TEKT1: variants seen among roughly 807,000 people sequenced by gnomAD.
TEKT1 encodes the protein tektin 1.
TEKT1 carries 32 observed loss-of-function variants against 34.8 expected under a neutral mutation model. The ratio of observed to expected loss-of-function variants is 0.92; its 90% CI spans 0.69 to 1.23. TEKT1 has a LOEUF of 1.23. Among genes scored for constraint, TEKT1 ranks in the 50% most tolerant of loss-of-function variants. The pLI is 0.00. For synonymous variants in TEKT1, 207 were observed against 199.8 expected (o/e 1.04, Z -0.30); for missense variants, 492 against 518.5 (o/e 0.95, Z 0.50).
At chr17:6,816,095 G>A in intron 3 of TEKT1, 133 bp from the exon 4 acceptor site, 3 of 1,255,276 alleles carry the variant, frequency 2.4e-6, no homozygotes, top group Non-Finnish European at 3.2e-6. Context: ...ATGACACAGT[G>A]GGTGACAGAT....
At chr17:6,810,555 A>G (rs1225362000) in intron 6 of TEKT1, among the ~76,000 whole-genome samples, 1 of 152,210 alleles carries the variant, frequency 6.6e-6, no homozygotes, top group Non-Finnish European at 1.5e-5. Context: ...AAACACAGCC[A>G]TGCTTATTCA....
intron 1 of TEKT1, 22 bp from the exon 2 acceptor site, chr17:6,830,415 T>C (rs777101231): frequency 3.0e-5 from 44 of 1,474,434 alleles, no homozygotes; most frequent in Non-Finnish European, 3.9e-5. Flanking sequence ...CAGACTCTTT[T>C]AGATTAAATG....
At chr17:6,817,218 A>G (rs1000534807) in intron 3 of TEKT1, among the ~76,000 whole-genome samples, 1 of 151,906 alleles carries the variant, frequency 6.6e-6, no homozygotes, top group African/African-American at 2.4e-5. Flanking sequence ...TCTACTAAAA[A>G]CACAAAATTA....
chr17:6,831,413 C>A (rs896585265), intron 1 of TEKT1, among the ~76,000 whole-genome samples: 2 of 152,180 alleles, frequency 1.3e-5, no homozygotes, highest in African/African-American at 2.4e-5. Flanking sequence ...GCCCACCCAG[C>A]CCCCTCAGAC....
At chr17:6,807,060 T>G (rs1292673635) in intron 6 of TEKT1, among the ~76,000 whole-genome samples, 1 of 152,214 alleles carries the variant, frequency 6.6e-6, no homozygotes, top group Non-Finnish European at 1.5e-5. Flanking sequence ...TACTGCAGAG[T>G]GTTTTCCAAC....
chr17:6,824,985 T>C (rs902917122), intron 2 of TEKT1, among the ~76,000 whole-genome samples: 19 of 152,112 alleles, frequency 1.2e-4, no homozygotes, highest in African/African-American at 4.3e-4. Flanking sequence ...AAAATAGTGA[T>C]AAAATTTCTA....
At chr17:6,830,089 C>T in intron 2 of TEKT1, 98 bp downstream of exon 2, 1 of 1,228,638 alleles carries the variant, frequency 8.1e-7, no homozygotes, top group African/African-American at 1.6e-5. Context: ...CTCTAATATT[C>T]AAAAATAATA....
At chr17:6,823,130 C>T (rs75483473) in intron 2 of TEKT1, among the ~76,000 whole-genome samples, 7,062 of 152,222 alleles carry the variant, frequency 0.046, 522 homozygotes, top group African/African-American at 0.16. Context: ...ATTCATTGAA[C>T]CTTTTAACCT....
chr17:6,799,466 G>A lies in TEKT1; in HGVS notation c.*561C>T, dbSNP rs543388110. On this transcript the variant is annotated 3_prime_UTR_variant, in exon 8 of 8. Coordinates refer to ENST00000338694, the MANE Select transcript of TEKT1 (RefSeq NM_053285.2). Reference sequence around the variant, plus strand: ...CTTTACGGAGGTGATCTCATTCAACGCCCCTATAGCCCTGTGAGTGGGGAC... The same window carrying A: ...CTTTACGGAGGTGATCTCATTCAACACCCCTATAGCCCTGTGAGTGGGGAC... 5 of 152,306 alleles carry A rather than the reference G, an allele frequency of 3.3e-5. No homozygotes were observed. Among genetic ancestry groups the A allele is most frequent in the Middle Eastern group, 3.4e-3 (1 of 294 alleles). 9.4% of individuals were successfully genotyped at this position (152,306 alleles called of 1,614,324 possible).
At chr17:6,808,065 G>T (rs1976870624) in intron 6 of TEKT1, among the ~76,000 whole-genome samples, 1 of 152,226 alleles carries the variant, frequency 6.6e-6, no homozygotes, top group African/African-American at 2.4e-5. Context: ...TCCCCCAGAG[G>T]TGGAGTCTAC....
chr17:6,816,803 C>A (rs1977013843), intron 3 of TEKT1, among the ~76,000 whole-genome samples: 2 of 152,152 alleles, frequency 1.3e-5, no homozygotes, highest in Admixed American at 1.3e-4. Context: ...TGAGGAATCA[C>A]CACACTGTCT....
chr17:6,821,063 T>C (rs1168521343), intron 2 of TEKT1, among the ~76,000 whole-genome samples: 1 of 152,248 alleles, frequency 6.6e-6, no homozygotes, highest in Non-Finnish European at 1.5e-5. Flanking sequence ...TTCCTGATTC[T>C]TTGTATATGA....
At chr17:6,817,656 GCT>G (rs1942603965) in intron 3 of TEKT1, among the ~76,000 whole-genome samples, 1 of 152,032 alleles carries the variant, frequency 6.6e-6, no homozygotes, top group Admixed American at 6.6e-5. Flanking sequence ...ACAACGTTTT[GCT>G]CTTTTTCAAC....
intron 6 of TEKT1, among the ~76,000 whole-genome samples, chr17:6,807,506 G>T (rs1476209266): frequency 6.6e-6 from 1 of 152,172 alleles, no homozygotes; most frequent in Non-Finnish European, 1.5e-5. Context: ...TTCCATTGCT[G>T]GTGAGGAGCT....
intron 2 of TEKT1, among the ~76,000 whole-genome samples, chr17:6,826,740 G>A (rs1209964644): frequency 6.6e-6 from 1 of 151,068 alleles, no homozygotes; most frequent in Admixed American, 6.6e-5. Context: ...CTGTCACCCA[G>A]GCTGGAGTGC....
intron 2 of TEKT1, among the ~76,000 whole-genome samples, chr17:6,820,098 A>G (rs1567680772): frequency 6.6e-6 from 1 of 152,188 alleles, no homozygotes; most frequent in Non-Finnish European, 1.5e-5. Flanking sequence ...ACCAACTCAC[A>G]CAACATACTT....
At chr17:6,828,323 T>G (rs2151592926) in intron 2 of TEKT1, among the ~76,000 whole-genome samples, 1 of 152,242 alleles carries the variant, frequency 6.6e-6, no homozygotes, top group South Asian at 2.1e-4. Flanking sequence ...AATGTAAGGG[T>G]CAACCTATTA....
chr17:6,823,367 C>T (rs1192509563), intron 2 of TEKT1, among the ~76,000 whole-genome samples: 2 of 152,140 alleles, frequency 1.3e-5, no homozygotes, highest in East Asian at 1.9e-4. Context: ...ACCAGCTGAC[C>T]TTTGCTTTCT....
chr17:6,800,029 A>T lies in TEKT1; in HGVS notation c.1255T>A (p.Ter419LysextTer1), dbSNP rs1215711320. ...GAGAATTGGAACTAGCCCTACTATT[A>T]GCAGACAGCATCAGGGCGGAGGCCC... ...AGGLRPDAVC[*>K] Residue 419 changes from the stop codon to lysine (K), a stop_lost, in exon 8 of 8, where the codon TAA (stop) becomes AAA (lysine). Coordinates refer to ENST00000338694, the MANE Select transcript of TEKT1 (RefSeq NM_053285.2). The T allele has an allele frequency of 4.4e-6, 7 of 1,605,206 alleles. No individual in the cohort carries two copies. The highest frequency in any genetic ancestry group is 2.7e-5 in the African/African-American group (2 of 74,874).
Sources: gnomAD v4.1 joint callset for allele counts (sites outside exome capture counted in the v4.1 genomes callset) on GRCh38, gnomAD v4.1.1 for gene constraint, MANE v1.5 for transcripts, NCBI Gene and HGNC (gene_info 2026-07-23, HGNC 2026-07-21) for gene names.